Variants in AOAH observed in about 807,000 individuals in gnomAD.
AOAH encodes the protein acyloxyacyl hydrolase.
Under a neutral mutation model 92.2 loss-of-function variants are expected in AOAH, and 64 were observed. That is an observed-to-expected ratio of 0.69 (90% CI 0.57 to 0.86). The LOEUF is 0.86. Ranked by LOEUF, AOAH falls within the 40% of genes least tolerant of loss-of-function variation. The pLI is 0.00. For synonymous variants in AOAH, 263 were observed against 254.5 expected (o/e 1.03, Z -0.32); for missense variants, 656 against 694.6 (o/e 0.94, Z 0.62).
In AOAH at chr7:36,517,955, A is replaced by G. The variant is rs866705501; in HGVS notation, c.1599+4084T>C. On this transcript the variant is annotated intron_variant, in intron 20 of 20. Coordinates refer to ENST00000617537, the MANE Select transcript of AOAH (RefSeq NM_001637.4). ...CCCACACACACACACCCACACACACACACACACACACACACGCACACACAC... is the reference window on the plus strand; with the variant it reads ...CCCACACACACACACCCACACACACGCACACACACACACACGCACACACAC... 8.3e-5 allele frequency among the ~76,000 whole-genome samples: 9 copies of G among 108,962 alleles called. No individual in the cohort carries two copies. In the South Asian group the frequency reaches 9.4e-4, roughly 11 times the overall value. 71.5% of individuals were successfully genotyped at this position (108,962 alleles called of 152,430 possible). A position where few individuals can be genotyped will look rare whatever the true frequency, so the allele number is the denominator to read the frequency against.
rs60180758 is a variant in AOAH at position 36,516,469 on chromosome 7, C to CCA, written c.1600-3091_1600-3090dup. ...CACACACACAGAAAGTGCACGGATA[C>CCA]CACACACACACACACACAGAAAGCG... On this transcript the variant is annotated intron_variant, in intron 20 of 20. Transcript: ENST00000617537. This position sits in a 1 kb window ranked among gnomAD's most constrained non-coding sequence, Gnocchi z 5.0. Among the ~76,000 whole-genome samples, 13,054 of 88,308 alleles carry CCA rather than the reference C, an allele frequency of 0.15. 2,408 individuals carry two copies. The highest frequency in any genetic ancestry group is 0.22 in the African/African-American group (6,082 of 27,290). 57.9% of individuals were successfully genotyped at this position (88,308 alleles called of 152,430 possible).
At chr7:36,532,075 AG>A in intron 18 of AOAH, 71 bp downstream of exon 18, 1 of 1,550,722 alleles carries the variant, frequency 6.4e-7, no homozygotes, top group Non-Finnish European at 8.9e-7. Context: ...TCCCATCCCC[AG>A]TGAAAACTCT....
Position 36,702,879 on chromosome 7 carries a change from G to A in AOAH, c.128-16085C>T, listed in dbSNP as rs750069946. Among the ~76,000 whole-genome samples, 44 of 152,232 alleles carry A rather than the reference G, an allele frequency of 2.9e-4. No individual in the cohort carries two copies. The Middle Eastern group carries it at 0.01, about 35-fold the overall frequency. ...AGATTTCTCTGTAGGAGGCAATACT[G>A]TTTGATAGCATTTACCCACAGTAGA... On this transcript the variant is annotated intron_variant, in intron 1 of 20. Coordinates refer to ENST00000617537, the MANE Select transcript of AOAH (RefSeq NM_001637.4).
intron 20 of AOAH, 98 bp downstream of exon 20, chr7:36,521,940 AC>A (rs1276540980): frequency 9.5e-7 from 1 of 1,051,894 alleles, no homozygotes; most frequent in African/African-American, 1.6e-5. Flanking sequence ...CCTTTCTGGA[AC>A]AAAACAGGAT....
intron 16 of AOAH, among the ~76,000 whole-genome samples, chr7:36,537,944 CT>C (rs1345676914): frequency 1.3e-5 from 2 of 151,570 alleles, no homozygotes; most frequent in African/African-American, 2.4e-5. Flanking sequence ...CCCAATCATC[CT>C]TTTTTCTTCC....
chr7:36,594,431 C>A lies in AOAH; in HGVS notation c.847-1G>T. On this transcript the variant is annotated splice_acceptor_variant, in intron 11 of 20. Coordinates refer to ENST00000617537, the MANE Select transcript of AOAH (RefSeq NM_001637.4). LOFTEE classifies it high-confidence loss of function. ...CTGTTGGTAGATTGATGAAAGAGTT[C>A]TAAGGAAAACAATAAAGTAGCAATT... 3 of 1,610,956 alleles carry A rather than the reference C, an allele frequency of 1.9e-6. No homozygotes were observed. The highest frequency in any genetic ancestry group is 2.5e-6 in the Non-Finnish European group (3 of 1,177,224).
At chr7:36,554,445 T>G (rs1440377935) in intron 13 of AOAH, among the ~76,000 whole-genome samples, 2 of 152,244 alleles carry the variant, frequency 1.3e-5, no homozygotes, top group African/African-American at 4.8e-5. Flanking sequence ...TCTTTTGGCT[T>G]AGGTTTGACT....
At chr7:36,685,594 G>A (rs1796950320) in intron 2 of AOAH, among the ~76,000 whole-genome samples, 1 of 152,114 alleles carries the variant, frequency 6.6e-6, no homozygotes, top group African/African-American at 2.4e-5. Context: ...ATCCATACAA[G>A]TGAATGTGTA....
At chr7:36,655,288 T>G (rs1394923864) in intron 4 of AOAH, among the ~76,000 whole-genome samples, 2 of 152,234 alleles carry the variant, frequency 1.3e-5, no homozygotes, top group Admixed American at 1.3e-4. Flanking sequence ...ACATTATAAG[T>G]GCTCAAACAG....
chr7:36,616,559 T>C (rs1791899596), intron 10 of AOAH, 85 bp from the exon 11 acceptor site: 8 of 1,075,514 alleles, frequency 7.4e-6, no homozygotes, highest in Middle Eastern at 2.0e-4. Context: ...GCGGATACCC[T>C]AGTGTGTATT....
intron 1 of AOAH, among the ~76,000 whole-genome samples, chr7:36,698,565 A>C (rs543163836): frequency 2.0e-5 from 3 of 152,196 alleles, no homozygotes; most frequent in African/African-American, 7.2e-5. Context: ...TAAAGTTATA[A>C]ATTTTTCCAT....
chr7:36,714,491 T>G (rs1798993088), intron 1 of AOAH, among the ~76,000 whole-genome samples: 1 of 152,160 alleles, frequency 6.6e-6, no homozygotes, highest in African/African-American at 2.4e-5. Context: ...GCCAGCATCA[T>G]CCTGATACCA....
At chr7:36,599,054 A>C (rs541607356) in intron 11 of AOAH, among the ~76,000 whole-genome samples, 2 of 152,188 alleles carry the variant, frequency 1.3e-5, no homozygotes, top group Non-Finnish European at 2.9e-5. Flanking sequence ...TCACTACCGC[A>C]TTGCTTCAAA....
intron 1 of AOAH, among the ~76,000 whole-genome samples, chr7:36,714,916 A>G (rs1027529008): frequency 3.3e-5 from 5 of 152,218 alleles, no homozygotes; most frequent in African/African-American, 1.2e-4. Flanking sequence ...GAAAACGGGC[A>G]TAAGACAGGG....
chr7:36,695,485 T>G lies in AOAH; in HGVS notation c.128-8691A>C, dbSNP rs2116850902. Among the ~76,000 whole-genome samples the G allele has an allele frequency of 1.3e-5, 2 of 152,316 alleles. 1 individual carries two copies. Among genetic ancestry groups the G allele is most frequent in the South Asian group, 4.1e-4 (2 of 4,826 alleles). ...CTATCTCATTTAATCTTCACAATGTTCTCATAAGATTGCTTCTTTCCACAT... is the reference window on the plus strand; with the variant it reads ...CTATCTCATTTAATCTTCACAATGTGCTCATAAGATTGCTTCTTTCCACAT... On this transcript the variant is annotated intron_variant, in intron 1 of 20. Transcript: ENST00000617537.
At chr7:36,520,193 C>A (rs1784038631) in intron 20 of AOAH, among the ~76,000 whole-genome samples, 1 of 152,174 alleles carries the variant, frequency 6.6e-6, no homozygotes, top group African/African-American at 2.4e-5. Context: ...AGACTTTGAA[C>A]CCCAAGATCA....
In AOAH at chr7:36,715,186, A is replaced by T. The variant is rs957432600; in HGVS notation, c.127+8836T>A. On this transcript the variant is annotated intron_variant, in intron 1 of 20. Coordinates refer to ENST00000617537, the MANE Select transcript of AOAH (RefSeq NM_001637.4). ...ACAAGCATTCTTATACACCAATAAC[A>T]GACAGAGAGCCAAATCATGAGTGAA... Among the ~76,000 whole-genome samples, 45 of 152,314 alleles carry T rather than the reference A, an allele frequency of 3.0e-4. No individual in the cohort carries two copies. The East Asian group carries it at 6.0e-3, about 20-fold the overall frequency.
chr7:36,550,961 C>T (rs1786190324), intron 13 of AOAH, among the ~76,000 whole-genome samples: 1 of 152,102 alleles, frequency 6.6e-6, no homozygotes, highest in African/African-American at 2.4e-5. Flanking sequence ...CAGCTAGTGG[C>T]AAGCTGTACA....
At chr7:36,678,600 T>TGTGTGTGCGCGCGCGCGC (rs549317369) in intron 2 of AOAH, among the ~76,000 whole-genome samples, 1 of 131,034 alleles carries the variant, frequency 7.6e-6, no homozygotes, top group Non-Finnish European at 1.7e-5. Flanking sequence ...TGTGTGTGTG[T>TGTGTGTGCGCGCGCGCGC]GCGCGCGCGC....
Sources: gnomAD v4.1 joint callset for allele counts (sites outside exome capture counted in the v4.1 genomes callset) on GRCh38, gnomAD v4.1.1 for gene constraint, Gnocchi (gnomAD v3.1) non-coding constraint, MANE v1.5 for transcripts, NCBI Gene and HGNC (gene_info 2026-07-23, HGNC 2026-07-21) for gene names.